Variants in CERS6 observed in about 807,000 individuals in gnomAD.
CERS6 encodes ceramide synthase 6, also known as LAG1 homolog, ceramide synthase 6.
A neutral mutation model predicts 56.8 loss-of-function variants in CERS6; 26 were observed. That is an observed-to-expected ratio of 0.46 (90% confidence interval 0.34 to 0.63). The LOEUF (loss-of-function observed/expected upper bound fraction) is 0.63, where lower values mean the gene tolerates loss of function less well. Among genes scored for constraint, CERS6 ranks in the 30% least tolerant of loss-of-function variants. The probability of loss-of-function intolerance (pLI) is 0.01; values close to 1 mark genes in which losing one functional copy is unlikely to be tolerated. For synonymous variants in CERS6, 164 were observed against 173.3 expected (o/e 0.95, Z 0.42); for missense variants, 415 against 467.5 (o/e 0.89, Z 1.04).
chr2:168,500,580 TA>T lies in CERS6; in HGVS notation c.170+43963del, dbSNP rs1694561849. ...TATCATGCTATTTCATATATTGGGT[TA>T]GGGGGACAATTACAAGGAGGTGGGA... is the stretch of plus-strand genomic sequence containing the variant. On this transcript the variant is annotated intron_variant, in intron 1 of 9. Transcript: ENST00000305747. 4.6e-5 allele frequency among the ~76,000 whole-genome samples: 7 copies of T among 152,290 alleles called. 1 individual carries two copies. The South Asian group carries it at 1.2e-3, about 27-fold the overall frequency.
chr2:168,729,680 T>C (rs1683462416), intron 8 of CERS6, among the ~76,000 whole-genome samples: 1 of 152,226 alleles, frequency 6.6e-6, no homozygotes, highest in Admixed American at 6.5e-5. Flanking sequence ...TCCATGCCTC[T>C]GATGGCAGTG....
At chr2:168,752,864 A>G (rs768973974) in intron 8 of CERS6, among the ~76,000 whole-genome samples, 4 of 151,990 alleles carry the variant, frequency 2.6e-5, no homozygotes, top group East Asian at 1.9e-4. Context: ...ACTTTTTCCC[A>G]TACATCTAGG....
chr2:168,630,761 T>G (rs1019104633), intron 3 of CERS6, among the ~76,000 whole-genome samples: 2 of 152,146 alleles, frequency 1.3e-5, no homozygotes, highest in African/African-American at 4.8e-5. Flanking sequence ...CAATTAACAA[T>G]GAAAAAATTA....
intron 4 of CERS6, among the ~76,000 whole-genome samples, chr2:168,674,420 CAACTT>C (rs1284852754): frequency 6.6e-6 from 1 of 152,170 alleles, no homozygotes; most frequent in Non-Finnish European, 1.5e-5. Flanking sequence ...TTCCCACACT[CAACTT>C]GATTTGACTG....
chr2:168,724,360 T>C (rs1683279325), intron 8 of CERS6, among the ~76,000 whole-genome samples: 1 of 152,142 alleles, frequency 6.6e-6, no homozygotes, highest in Admixed American at 6.6e-5. Context: ...TAGCAAGATT[T>C]ATTGCAAAGA....
At chr2:168,482,417 C>T (rs1694193735) in intron 1 of CERS6, among the ~76,000 whole-genome samples, 1 of 152,230 alleles carries the variant, frequency 6.6e-6, no homozygotes, top group South Asian at 2.1e-4. Flanking sequence ...AAAGTAACCT[C>T]TCACCATGTG....
intron 8 of CERS6, among the ~76,000 whole-genome samples, chr2:168,729,638 G>A (rs930405606): frequency 1.3e-5 from 2 of 152,182 alleles, no homozygotes; most frequent in Admixed American, 6.5e-5. Context: ...AGCAGGCCAC[G>A]CTGGCTGTGT....
At chr2:168,562,345 C>A (rs932105772) in intron 3 of CERS6, among the ~76,000 whole-genome samples, 2 of 152,162 alleles carry the variant, frequency 1.3e-5, no homozygotes, top group African/African-American at 4.8e-5. Context: ...TATAGAGAAA[C>A]AACAGTGGGC....
At chr2:168,582,383 C>G (rs1432949649) in intron 3 of CERS6, among the ~76,000 whole-genome samples, 3 of 152,000 alleles carry the variant, frequency 2.0e-5, no homozygotes. Flanking sequence ...TCCTAGTTTC[C>G]CTTAGATTTT....
chr2:168,475,889 C>T (rs562539878), intron 1 of CERS6, among the ~76,000 whole-genome samples: 1 of 152,276 alleles, frequency 6.6e-6, no homozygotes, highest in Admixed American at 6.5e-5. Context: ...TAGAATCAGA[C>T]ATTTGTTAAT....
chr2:168,605,968 C>T (rs769687594), intron 3 of CERS6, among the ~76,000 whole-genome samples: 4 of 152,210 alleles, frequency 2.6e-5, no homozygotes, highest in Non-Finnish European at 5.9e-5. Context: ...CACACAGAGT[C>T]CCCACTGGGG....
intron 6 of CERS6, 30 bp from the exon 7 acceptor site, chr2:168,714,971 T>G (rs767291291): frequency 6.3e-7 from 1 of 1,590,030 alleles, no homozygotes; most frequent in East Asian, 2.3e-5. Flanking sequence ...GTTGCTAAAC[T>G]CTAATATGGA....
chr2:168,608,343 T>C (rs1249914906), intron 3 of CERS6, among the ~76,000 whole-genome samples: 1 of 152,238 alleles, frequency 6.6e-6, no homozygotes, highest in Non-Finnish European at 1.5e-5. Context: ...GATAGAAGCC[T>C]TTGCCTGGAC....
intron 4 of CERS6, among the ~76,000 whole-genome samples, chr2:168,668,130 C>G (rs982422513): frequency 2.0e-5 from 3 of 152,186 alleles, no homozygotes; most frequent in Non-Finnish European, 1.5e-5. Context: ...TGCAGAAGAA[C>G]AAGTGAACCT....
chr2:168,656,860 G>A (rs992092990), intron 4 of CERS6, among the ~76,000 whole-genome samples: 4 of 152,022 alleles, frequency 2.6e-5, no homozygotes, highest in African/African-American at 7.3e-5. Flanking sequence ...TGATTGGTGC[G>A]TTTACAATCC....
intron 4 of CERS6, among the ~76,000 whole-genome samples, chr2:168,684,456 T>C (rs1289232247): frequency 6.6e-6 from 1 of 152,200 alleles, no homozygotes. Flanking sequence ...ATATGAAATA[T>C]TTCTTTGTCT....
At chr2:168,620,890 G>T (rs1684456406) in intron 3 of CERS6, among the ~76,000 whole-genome samples, 1 of 151,468 alleles carries the variant, frequency 6.6e-6, no homozygotes, top group South Asian at 2.1e-4. Flanking sequence ...AGCCTCCTGA[G>T]TAGCTGGGAT....
intron 6 of CERS6, among the ~76,000 whole-genome samples, chr2:168,710,349 G>A (rs910830917): frequency 6.6e-6 from 1 of 152,182 alleles, no homozygotes; most frequent in African/African-American, 2.4e-5. Flanking sequence ...TGAGCCAAGA[G>A]CAATCATTCA....
intron 7 of CERS6, among the ~76,000 whole-genome samples, chr2:168,716,150 G>C (rs1183753123): frequency 6.6e-6 from 1 of 152,078 alleles, no homozygotes; most frequent in Admixed American, 6.6e-5. Flanking sequence ...TTAGTGTTAT[G>C]AAACAGAAAA....
Sources: gnomAD v4.1 joint callset for allele counts (sites outside exome capture counted in the v4.1 genomes callset) on GRCh38, gnomAD v4.1.1 for gene constraint, MANE v1.5 for transcripts, NCBI Gene and HGNC (gene_info 2026-07-23, HGNC 2026-07-21) for gene names.